Variants in COL12A1 observed in about 807,000 individuals in gnomAD.
The protein encoded by COL12A1 is collagen type XII alpha 1 chain.
Under a neutral mutation model 349.7 loss-of-function variants are expected in COL12A1, and 114 were observed. The ratio of observed to expected loss-of-function variants is 0.33; its 90% CI spans 0.28 to 0.38. The LOEUF is 0.38. COL12A1 is among the 10% of genes least tolerant of loss of function. The pLI, the probability that COL12A1 is intolerant of heterozygous loss-of-function variation, is 1.00. For missense variants in COL12A1, 3,284 were observed against 3,756.9 expected (o/e 0.87, Z 3.29); for synonymous variants, 1,369 against 1,329.0 (o/e 1.03, Z -0.66).
At chr6:75,157,002 C>T (rs554573086) in intron 14 of COL12A1, among the ~76,000 whole-genome samples, 20 of 152,154 alleles carry the variant, frequency 1.3e-4, no homozygotes, top group Admixed American at 4.6e-4. Flanking sequence ...ATGATTGCCA[C>T]GCACATCTCA....
intron 2 of COL12A1, 105 bp downstream of exon 2, chr6:75,202,615 C>T (rs528884523): frequency 4.4e-6 from 5 of 1,142,232 alleles, no homozygotes; most frequent in East Asian, 5.2e-5. Flanking sequence ...GGAGAAAGCA[C>T]GAAGCGCAGG....
At chr6:75,203,984 T>G (rs1384180144) in intron 1 of COL12A1, among the ~76,000 whole-genome samples, 1 of 152,226 alleles carries the variant, frequency 6.6e-6, no homozygotes, top group African/African-American at 2.4e-5. Flanking sequence ...TCTCCAACGA[T>G]GACTTTCCAA....
chr6:75,088,335 T>G (rs1474307222), intron 64 of COL12A1, among the ~76,000 whole-genome samples: 1 of 152,146 alleles, frequency 6.6e-6, no homozygotes, highest in East Asian at 1.9e-4. Flanking sequence ...GGGAGAGCAG[T>G]GAATGAAATT....
At chr6:75,104,890 G>A (rs754669656) in intron 54 of COL12A1, among the ~76,000 whole-genome samples, 3 of 152,130 alleles carry the variant, frequency 2.0e-5, no homozygotes, top group African/African-American at 4.8e-5. Context: ...TTCAGGAGAC[G>A]TAAGGAATTT....
At position 75,151,239 on chromosome 6, in the gene COL12A1, G is replaced by T. The variant is rs762304994; in HGVS notation, c.4049C>A (p.Pro1350His). The T allele has an allele frequency of 2.5e-6, 4 of 1,613,182 alleles. No homozygotes were observed. Among genetic ancestry groups the T allele is most frequent in the Non-Finnish European group, 3.4e-6 (4 of 1,179,366 alleles). ...EVELKMIATD[P>H]DDTHAYNVAD... ...CACATTGTATGCATGGGTATCATCAGGATCAGTTGCAATCATCTTTAATTC... is the reference window on the plus strand; with the variant it reads ...CACATTGTATGCATGGGTATCATCATGATCAGTTGCAATCATCTTTAATTC... Residue 1350 changes from proline to histidine, a missense_variant, in exon 21 of 66, where the codon CCT becomes CAT. Coordinates refer to ENST00000322507, the MANE Select transcript of COL12A1 (RefSeq NM_004370.6).
In COL12A1 at chr6:75,090,008, A is replaced by G; in HGVS notation, c.8941+102T>C. Reference sequence around the variant, plus strand: ...AGGCTGTCCAAACAAGACCAGGGAAAGCAGTTTGCCTAGGTCACCTTTCAG... The same window carrying G: ...AGGCTGTCCAAACAAGACCAGGGAAGGCAGTTTGCCTAGGTCACCTTTCAG... On this transcript the variant is annotated intron_variant, in intron 63 of 65. Transcript: ENST00000322507. The surrounding 1 kb of genome is among the most constrained non-coding windows in gnomAD (Gnocchi z 4.1). 1 of 1,259,166 alleles carries G rather than the reference A, an allele frequency of 7.9e-7. No individual in the cohort carries two copies. Among genetic ancestry groups the G allele is most frequent in the Non-Finnish European group, 1.1e-6 (1 of 884,776 alleles). 78.0% of individuals were successfully genotyped at this position (1,259,166 alleles called of 1,614,324 possible).
chr6:75,195,372 G>GAAGT (rs1181447045), intron 2 of COL12A1, among the ~76,000 whole-genome samples: 3 of 152,116 alleles, frequency 2.0e-5, no homozygotes, highest in African/African-American at 7.2e-5. Flanking sequence ...TACAACCAGA[G>GAAGT]AAGTTAATTC....
At chr6:75,143,552 T>A (rs772026020) in intron 25 of COL12A1, among the ~76,000 whole-genome samples, 164 bp from the exon 26 acceptor site, 8 of 152,112 alleles carry the variant, frequency 5.3e-5, no homozygotes, top group Non-Finnish European at 1.0e-4. Context: ...TTCTACCAGA[T>A]AGACTGAATT....
chr6:75,088,000 A>G (rs1241230267), intron 64 of COL12A1, among the ~76,000 whole-genome samples: 2 of 152,166 alleles, frequency 1.3e-5, no homozygotes, highest in African/African-American at 4.8e-5. Flanking sequence ...ATTCAGCCAA[A>G]CCAGAGATAT....
At chr6:75,156,194 A>G (rs1338974696) in intron 15 of COL12A1, 63 bp downstream of exon 15, 2 of 1,575,050 alleles carry the variant, frequency 1.3e-6, no homozygotes, top group Non-Finnish European at 1.7e-6. Context: ...AAGTAGACAT[A>G]CCAAAGTCAT....
At chr6:75,107,303 C>A (rs1040305725) in intron 52 of COL12A1, among the ~76,000 whole-genome samples, 2 of 152,086 alleles carry the variant, frequency 1.3e-5, no homozygotes, top group Non-Finnish European at 2.9e-5. Context: ...GATGGAGTCT[C>A]ACTGTTGCCC....
intron 10 of COL12A1, among the ~76,000 whole-genome samples, chr6:75,181,829 C>T (rs1312906646): frequency 6.6e-6 from 1 of 151,728 alleles, no homozygotes; most frequent in Non-Finnish European, 1.5e-5. Context: ...GGGGCTAACG[C>T]CTATGATCTC....
chr6:75,125,702 C>T (rs1386575173), intron 39 of COL12A1, among the ~76,000 whole-genome samples: 1 of 151,998 alleles, frequency 6.6e-6, no homozygotes, highest in African/African-American at 2.4e-5. Context: ...GTTACCAACC[C>T]CACTTTCTTT....
intron 56 of COL12A1, 106 bp downstream of exon 56, chr6:75,102,491 T>C: frequency 1.2e-6 from 1 of 834,334 alleles, no homozygotes; most frequent in Non-Finnish European, 1.7e-6. Flanking sequence ...ACTAACCTCG[T>C]TGAATTATCT....
rs200428755 is a variant in COL12A1, at chr6:75,090,086, A to C, written c.8941+24T>G. 1.2e-6 allele frequency: 2 copies of C among 1,611,440 alleles called. No individual in the cohort carries two copies. Among genetic ancestry groups the C allele is most frequent in the Non-Finnish European group, 1.7e-6 (2 of 1,179,460 alleles). ...ATTTGCAAATTCCTTCCTTTATCCC[A>C]ATACAGAAGCCAGAAATGCCTACCT... On this transcript the variant is annotated intron_variant, in intron 63 of 65. Coordinates refer to ENST00000322507, the MANE Select transcript of COL12A1 (RefSeq NM_004370.6). This position sits in a 1 kb window ranked among gnomAD's most constrained non-coding sequence, Gnocchi z 4.1.
intron 60 of COL12A1, among the ~76,000 whole-genome samples, chr6:75,093,327 A>C (rs2149331270): frequency 1.3e-5 from 2 of 152,336 alleles, no homozygotes; most frequent in South Asian, 4.1e-4. Flanking sequence ...CATCTCATGG[A>C]AACATCTCCT....
intron 43 of COL12A1, among the ~76,000 whole-genome samples, 153 bp downstream of exon 43, chr6:75,123,177 A>G (rs958736620): frequency 2.0e-5 from 3 of 152,316 alleles, no homozygotes; most frequent in South Asian, 2.1e-4. Flanking sequence ...GAAACAAATT[A>G]CTGGTTATCT....
In COL12A1 at chr6:75,194,864, C is replaced by T. The variant is rs762853001; in HGVS notation, c.157G>A (p.Val53Met). ...MSWAKPVDPI[V>M]GYRITVDPTT... ...GGGTCCACCGTTATTCTGTAACCCA[C>T]AATTGGATCAACTGGTTTTGCCCAT... The change falls in exon 3 of 66, where the codon GTG becomes ATG. Residue 53 changes from valine to methionine, a missense_variant. Physicochemically the swap from Val to Met is conservative, Grantham distance 21. Transcript: ENST00000322507. 1 of 1,612,054 alleles carries T rather than the reference C, an allele frequency of 6.2e-7. No homozygotes were observed. Among genetic ancestry groups the T allele is most frequent in the Non-Finnish European group, 8.5e-7 (1 of 1,178,874 alleles).
At chr6:75,139,108 C>T (rs1231184687) in intron 27 of COL12A1, 147 bp from the exon 28 acceptor site, 2 of 831,596 alleles carry the variant, frequency 2.4e-6, no homozygotes, top group Non-Finnish European at 3.7e-6. Context: ...TCACCAATTC[C>T]TAGAGCTCTG....
Sources: allele counts gnomAD v4.1 joint callset (sites outside exome capture counted in the v4.1 genomes callset), GRCh38; gene constraint gnomAD v4.1.1; non-coding constraint Gnocchi (gnomAD v3.1); transcripts MANE v1.5; gene names NCBI Gene and HGNC (gene_info 2026-07-23, HGNC 2026-07-21).